The following ASAP1 variants were observed in gnomAD, a reference collection of about 807,000 sequenced individuals.
ASAP1 encodes arf-GAP with SH3 domain, ANK repeat and PH domain-containing protein 1.
Under a neutral mutation model 145.2 loss-of-function variants are expected in ASAP1, and 43 were observed. That is an observed-to-expected ratio of 0.30 (90% CI 0.23 to 0.38). The LOEUF (loss-of-function observed/expected upper bound fraction) is 0.38. ASAP1 is among the 10% of genes least tolerant of loss of function. The pLI is 1.00. For missense variants in ASAP1, 1,018 were observed against 1,355.3 expected, an observed-to-expected ratio of 0.75 and a Z score of 3.91; for synonymous variants, 546 against 515.5, an observed-to-expected ratio of 1.06 and a Z score of -0.80.
chr8:130,408,389 A>G (rs1829125899), intron 1 of ASAP1, among the ~76,000 whole-genome samples: 1 of 152,242 alleles, frequency 6.6e-6, no homozygotes, highest in Admixed American at 6.5e-5. Flanking sequence ...AGTAGCAGGA[A>G]GGGTGAGTTT....
At chr8:130,162,122 C>A (rs2097670451) in intron 11 of ASAP1, among the ~76,000 whole-genome samples, 1 of 152,112 alleles carries the variant, frequency 6.6e-6, no homozygotes, top group African/African-American at 2.4e-5. Flanking sequence ...TTAATCAGGG[C>A]CTATAGCCTT....
chr8:130,428,098 T>C (rs1412723891), intron 1 of ASAP1, among the ~76,000 whole-genome samples: 1 of 152,136 alleles, frequency 6.6e-6, no homozygotes, highest in Non-Finnish European at 1.5e-5. Flanking sequence ...TGGGCCACCA[T>C]CTGAGAGAAC....
At chr8:130,293,691 G>A (rs1041841521) in intron 3 of ASAP1, among the ~76,000 whole-genome samples, 1 of 152,136 alleles carries the variant, frequency 6.6e-6, no homozygotes, top group Non-Finnish European at 1.5e-5. Flanking sequence ...TCAACAATGG[G>A]TCATTTTCTT....
chr8:130,259,785 G>T (rs1819782834), intron 3 of ASAP1, among the ~76,000 whole-genome samples: 1 of 152,150 alleles, frequency 6.6e-6, no homozygotes, highest in African/African-American at 2.4e-5. Context: ...AGTATAAAAG[G>T]TTAGATTTTA....
intron 2 of ASAP1, among the ~76,000 whole-genome samples, chr8:130,394,466 T>C (rs1466068069): frequency 1.3e-5 from 2 of 152,184 alleles, no homozygotes; most frequent in East Asian, 3.8e-4. Flanking sequence ...TCAATGACAA[T>C]GGTGCCCAAA....
At chr8:130,153,696 G>A (rs931357167) in intron 12 of ASAP1, among the ~76,000 whole-genome samples, 2 of 151,898 alleles carry the variant, frequency 1.3e-5, no homozygotes, top group Admixed American at 1.3e-4. Flanking sequence ...GTAAAAATGG[G>A]AAATAGAAAC....
chr8:130,430,655 G>T (rs1282602433), intron 1 of ASAP1, among the ~76,000 whole-genome samples: 1 of 152,198 alleles, frequency 6.6e-6, no homozygotes, highest in Non-Finnish European at 1.5e-5. Context: ...GTAGGAGAGG[G>T]TTGGATGATT....
Position 130,358,886 on chromosome 8 carries a change from G to C in ASAP1, c.60-743C>G, listed in dbSNP as rs1163796207. On this transcript the variant is annotated intron_variant, in intron 2 of 29. Coordinates refer to ENST00000518721, the MANE Select transcript of ASAP1 (RefSeq NM_018482.4). This position sits in a 1 kb window ranked among gnomAD's most constrained non-coding sequence, Gnocchi z 4.1. ...CCGGAGCGGTTACTTCAGCGAGCTC[G>C]TTGCGCGAGCGTTTTGCAAGAAGGG... 6.6e-6 allele frequency among the ~76,000 whole-genome samples: 1 copy of C among 152,072 alleles called. No homozygotes were observed. Among genetic ancestry groups the C allele is most frequent in the East Asian group, 1.9e-4 (1 of 5,186 alleles).
chr8:130,310,129 A>G (rs1385598730), intron 3 of ASAP1, among the ~76,000 whole-genome samples: 1 of 79,740 alleles, frequency 1.3e-5, no homozygotes, highest in African/African-American at 5.0e-5. Flanking sequence ...GGGCTAATAC[A>G]GTTTTTTTTG....
intron 4 of ASAP1, among the ~76,000 whole-genome samples, chr8:130,219,462 G>A (rs577488759): frequency 1.6e-4 from 25 of 152,222 alleles, no homozygotes; most frequent in African/African-American, 6.0e-4. Context: ...GGAAGAGGAG[G>A]GAAAGAAGGC....
chr8:130,121,498 G>A (rs551129739), intron 18 of ASAP1, among the ~76,000 whole-genome samples: 1 of 152,230 alleles, frequency 6.6e-6, no homozygotes, highest in Non-Finnish European at 1.5e-5. Context: ...ATCAGTTTAA[G>A]AGGCTGGGTG....
chr8:130,218,873 ATG>A (rs1355977666), intron 4 of ASAP1, among the ~76,000 whole-genome samples: 2 of 151,896 alleles, frequency 1.3e-5, no homozygotes, highest in African/African-American at 4.8e-5. Context: ...ATGCATATGT[ATG>A]TATGTATGTG....
chr8:130,162,895 CTTGTTACGGAACTA>C (rs2097672507), intron 11 of ASAP1: 1 of 152,262 alleles, frequency 6.6e-6, no homozygotes, highest in Admixed American at 6.5e-5. Context: ...CCTTGGAACC[CTTGTTACGGAACTA>C]GACTTCTCTT....
At position 130,259,918 on chromosome 8, in the gene ASAP1, G is replaced by C. The variant is rs558549959; in HGVS notation, c.187-22924C>G. 1.8e-4 allele frequency among the ~76,000 whole-genome samples: 27 copies of C among 152,300 alleles called. No homozygotes were observed. The South Asian group carries it at 2.9e-3, about 16-fold the overall frequency. ...TCAAATTAAGTGCATTTATCTATCA[G>C]TCATAGGCAGCACCGAAAATTATTT... On this transcript the variant is annotated intron_variant, in intron 3 of 29. Coordinates refer to ENST00000518721, the MANE Select transcript of ASAP1 (RefSeq NM_018482.4).
intron 13 of ASAP1, among the ~76,000 whole-genome samples, chr8:130,142,957 G>A (rs1318717976): frequency 6.6e-6 from 1 of 152,150 alleles, no homozygotes; most frequent in East Asian, 1.9e-4. Flanking sequence ...ATGAAATGAG[G>A]AGGGCCTGAA....
At chr8:130,247,688 G>T (rs1433956609) in intron 3 of ASAP1, among the ~76,000 whole-genome samples, 3 of 152,138 alleles carry the variant, frequency 2.0e-5, no homozygotes, top group Admixed American at 2.0e-4. Context: ...CTGGGGTTGT[G>T]CCACCCAAGC....
At position 130,358,113 on chromosome 8, in the gene ASAP1, G is replaced by A. The variant is rs1276588252; in HGVS notation, c.90C>T (p.Phe30=). The change falls in exon 3 of 30, where the codon TTC becomes TTT. Residue 30 remains phenylalanine, a synonymous_variant. Coordinates refer to ENST00000518721, the MANE Select transcript of ASAP1 (RefSeq NM_018482.4). The surrounding 1 kb of genome is among the most constrained non-coding windows in gnomAD (Gnocchi z 4.1). ...TGTAGTCCTCGGTGGTCTCGGCGAT[G>A]AACTCCGAGACAGAGATCTGGTCCG... is the stretch of plus-strand genomic sequence containing the variant. ...RMPDQISVSE[F]IAETTEDYNS... is the part of the protein sequence containing the mutation. 3.1e-6 allele frequency: 5 copies of A among 1,608,442 alleles called. No homozygotes were observed. Among genetic ancestry groups the A allele is most frequent in the African/African-American group, 1.3e-5 (1 of 74,646 alleles).
chr8:130,319,536 G>A (rs144090904), intron 3 of ASAP1, among the ~76,000 whole-genome samples: 304 of 152,266 alleles, frequency 2.0e-3, no homozygotes, highest in African/African-American at 7.1e-3. Flanking sequence ...CAAATCCTGT[G>A]AATGGGGAGT....
At chr8:130,356,776 A>G (rs931532458) in intron 3 of ASAP1, among the ~76,000 whole-genome samples, 3 of 152,196 alleles carry the variant, frequency 2.0e-5, no homozygotes, top group Non-Finnish European at 4.4e-5. Context: ...CTACTTCTGA[A>G]TCCCAGTTCT....
Sources: gnomAD v4.1 joint callset for allele counts (sites outside exome capture counted in the v4.1 genomes callset) on GRCh38, gnomAD v4.1.1 for gene constraint, Gnocchi (gnomAD v3.1) non-coding constraint, MANE v1.5 for transcripts, NCBI Gene and HGNC (gene_info 2026-07-23, HGNC 2026-07-21) for gene names.